DOCK10: variants seen among roughly 807,000 people sequenced by gnomAD.
The protein encoded by DOCK10 is dedicator of cytokinesis 10.
A neutral mutation model predicts 280.1 loss-of-function variants in DOCK10; 145 were observed. That is an observed-to-expected ratio of 0.52 (90% CI 0.45 to 0.59). The LOEUF (loss-of-function observed/expected upper bound fraction) is 0.59. Ranked by LOEUF, DOCK10 falls within the 20% of genes least tolerant of loss-of-function variation. The pLI is 0.00. For synonymous variants in DOCK10, 915 were observed against 942.2 expected (o/e 0.97, Z 0.53); for missense variants, 2,368 against 2,651.7 (o/e 0.89, Z 2.35).
At chr2:224,927,883 C>G (rs1206257968) in intron 2 of DOCK10, among the ~76,000 whole-genome samples, 5 of 151,274 alleles carry the variant, frequency 3.3e-5, no homozygotes, top group African/African-American at 1.2e-4. Context: ...CTCCAATCTG[C>G]AGGGCAGAAA....
chr2:224,959,814 G>C (rs766788113), intron 1 of DOCK10, among the ~76,000 whole-genome samples: 1 of 152,138 alleles, frequency 6.6e-6, no homozygotes, highest in African/African-American at 2.4e-5. Context: ...TTTCCAACAG[G>C]CCTGATGTTC....
In DOCK10 at chr2:224,795,167, T is replaced by C. The variant is rs567018588; in HGVS notation, c.4939-73A>G. The C allele has an allele frequency of 8.2e-6, 11 of 1,336,008 alleles. No individual in the cohort carries two copies. In the Middle Eastern group the frequency reaches 5.6e-4, roughly 68 times the overall value. 82.8% of individuals were successfully genotyped at this position (1,336,008 alleles called of 1,614,324 possible). On this transcript the variant is annotated intron_variant, in intron 44 of 55. Coordinates refer to ENST00000258390, the MANE Select transcript of DOCK10 (RefSeq NM_014689.3). ...GTTAACTGACTTTAAGTTATGCTATTAATTATGGCTACGCATCACAGTTTG... is the reference window on the plus strand; with the variant it reads ...GTTAACTGACTTTAAGTTATGCTATCAATTATGGCTACGCATCACAGTTTG...
At chr2:224,943,819 A>C (rs1703236390) in intron 1 of DOCK10, among the ~76,000 whole-genome samples, 3 of 135,976 alleles carry the variant, frequency 2.2e-5, no homozygotes, top group African/African-American at 8.5e-5. Flanking sequence ...GCTGGGGTGC[A>C]GTGGCACGAT....
intron 1 of DOCK10, among the ~76,000 whole-genome samples, chr2:225,018,812 T>C (rs1359960512): frequency 7.0e-6 from 1 of 143,582 alleles, no homozygotes; most frequent in African/African-American, 2.8e-5. Context: ...TATACAGATA[T>C]ATATGCATAT....
intron 1 of DOCK10, among the ~76,000 whole-genome samples, chr2:225,022,025 A>G (rs944335070): frequency 2.6e-5 from 4 of 152,350 alleles, no homozygotes; most frequent in Admixed American, 6.5e-5. Context: ...GCAAAAGAAC[A>G]TAAGTCAAGT....
chr2:224,898,963 G>C (rs974307925), intron 3 of DOCK10, among the ~76,000 whole-genome samples: 3 of 152,140 alleles, frequency 2.0e-5, no homozygotes, highest in African/African-American at 7.2e-5. Context: ...GGAACATACA[G>C]GTCAACAGTA....
chr2:224,992,187 AT>A (rs1205584226), intron 1 of DOCK10, among the ~76,000 whole-genome samples: 2 of 152,228 alleles, frequency 1.3e-5, no homozygotes, highest in Non-Finnish European at 2.9e-5. Flanking sequence ...TAAATGAACT[AT>A]TAACTGTACT....
intron 19 of DOCK10, among the ~76,000 whole-genome samples, chr2:224,846,962 A>G (rs1241990028): frequency 6.6e-6 from 1 of 152,184 alleles, no homozygotes; most frequent in African/African-American, 2.4e-5. Flanking sequence ...GTTGAGTAAT[A>G]TGGTATAGTA....
chr2:224,957,302 T>C (rs1704107365), intron 1 of DOCK10, among the ~76,000 whole-genome samples: 1 of 129,726 alleles, frequency 7.7e-6, no homozygotes, highest in South Asian at 2.6e-4. Context: ...CCCGGCTTTG[T>C]TTTTCGGAGA....
intron 31 of DOCK10, among the ~76,000 whole-genome samples, chr2:224,813,850 A>C (rs1196604878): frequency 6.6e-6 from 1 of 152,172 alleles, no homozygotes; most frequent in Non-Finnish European, 1.5e-5. Context: ...ACAACTTTTA[A>C]ATTTCCATCT....
At chr2:224,870,800 A>G (rs1698222250) in intron 11 of DOCK10, among the ~76,000 whole-genome samples, 1 of 109,254 alleles carries the variant, frequency 9.2e-6, no homozygotes, top group Non-Finnish European at 1.9e-5. Context: ...TTGTATTTCC[A>G]TTCATGGCCA....
chr2:225,007,293 T>C (rs895802805), intron 1 of DOCK10, among the ~76,000 whole-genome samples: 88 of 152,362 alleles, frequency 5.8e-4, no homozygotes, highest in Middle Eastern at 6.8e-3. Flanking sequence ...AGGTGGTTTC[T>C]AGCAGTAAGC....
intron 3 of DOCK10, among the ~76,000 whole-genome samples, chr2:224,909,399 T>C (rs1184827695): frequency 1.3e-5 from 2 of 152,230 alleles, no homozygotes; most frequent in Non-Finnish European, 2.9e-5. Flanking sequence ...TATTGCTATA[T>C]TTATTTTCAG....
chr2:224,854,885 AACCAACC>A, intron 16 of DOCK10, 71 bp downstream of exon 16: 2 of 1,175,232 alleles, frequency 1.7e-6, no homozygotes, highest in Non-Finnish European at 1.2e-6. Context: ...CCAACCAACC[AACCAACC>A]AACCAAAACA....
At chr2:224,843,305 G>A (rs1193089183) in intron 22 of DOCK10, among the ~76,000 whole-genome samples, 1 of 152,212 alleles carries the variant, frequency 6.6e-6, no homozygotes, top group Non-Finnish European at 1.5e-5. Flanking sequence ...TGCATGGGTA[G>A]TGAGAGTCGA....
chr2:224,956,093 A>C (rs1434881106), intron 1 of DOCK10, among the ~76,000 whole-genome samples: 1 of 152,246 alleles, frequency 6.6e-6, no homozygotes, highest in Non-Finnish European at 1.5e-5. Flanking sequence ...ATCTGAAAAC[A>C]AAGGAGAACA....
At chr2:225,035,557 T>TA (rs1690213671) in intron 1 of DOCK10, among the ~76,000 whole-genome samples, 2 of 42,982 alleles carry the variant, frequency 4.7e-5, no homozygotes, top group Admixed American at 2.4e-4. Context: ...TATATATATA[T>TA]ATATATATAT....
At chr2:225,014,280 A>G (rs1441997853) in intron 1 of DOCK10, among the ~76,000 whole-genome samples, 13 of 151,918 alleles carry the variant, frequency 8.6e-5, no homozygotes, top group Non-Finnish European at 1.8e-4. Context: ...TTTTTTATAT[A>G]TCCTTTGGAG....
At chr2:224,897,846 A>G (rs774519433) in intron 3 of DOCK10, among the ~76,000 whole-genome samples, 45 of 152,280 alleles carry the variant, frequency 3.0e-4, no homozygotes, top group Non-Finnish European at 5.6e-4. Context: ...AACACCTACC[A>G]TGCACCTAGC....
Sources: gnomAD v4.1 joint callset for allele counts (sites outside exome capture counted in the v4.1 genomes callset) on GRCh38, gnomAD v4.1.1 for gene constraint, MANE v1.5 for transcripts, NCBI Gene and HGNC (gene_info 2026-07-23, HGNC 2026-07-21) for gene names.